The following ANO10 variants were observed in gnomAD, a reference collection of about 807,000 sequenced individuals.
The protein encoded by ANO10 is anoctamin 10.
A neutral mutation model predicts 74.7 loss-of-function variants in ANO10; 77 were observed. The ratio of observed to expected loss-of-function variants is 1.03; its 90% CI spans 0.86 to 1.25. The LOEUF is 1.25. ANO10 is among the 50% of genes most tolerant of loss of function. The pLI, the probability that ANO10 is intolerant of heterozygous loss-of-function variation, is 0.00. For synonymous variants in ANO10, 279 were observed against 284.9 expected, an observed-to-expected ratio of 0.98 and a Z score of 0.21; for missense variants, 721 against 778.1, an observed-to-expected ratio of 0.93 and a Z score of 0.87.
At chr3:43,654,661 C>T (rs2083827185) in intron 1 of ANO10, among the ~76,000 whole-genome samples, 1 of 152,218 alleles carries the variant, frequency 6.6e-6, no homozygotes, top group Non-Finnish European at 1.5e-5. Flanking sequence ...TTCTACTCCT[C>T]TCTTCTACCA....
chr3:43,449,032 A>G (rs2074722770), intron 11 of ANO10, among the ~76,000 whole-genome samples: 1 of 151,632 alleles, frequency 6.6e-6, no homozygotes, highest in South Asian at 2.1e-4. Flanking sequence ...CCACCATGCC[A>G]TGACTGCCTA....
Position 43,687,003 on chromosome 3 carries a change from ATT to A in ANO10, c.-12+4512_-12+4513del, listed in dbSNP as rs59861590. 1.2e-3 allele frequency among the ~76,000 whole-genome samples: 172 copies of A among 143,000 alleles called. 3 individuals carry two copies. Among genetic ancestry groups the A allele is most frequent in the African/African-American group, 3.7e-3 (144 of 39,076 alleles). 93.8% of individuals were successfully genotyped at this position (143,000 alleles called of 152,430 possible). On this transcript the variant is annotated intron_variant, in intron 1 of 3. Coordinates refer to the ANO10 transcript ENST00000413397. ...GTCCAAGAAGCCCTAAAGTCATGTG[ATT>A]TTTTTTTTTTTTTTGAGAAGTCACT...
chr3:43,551,605 T>C (rs944225143), intron 10 of ANO10: 9 of 455,726 alleles, frequency 2.0e-5, no homozygotes, highest in Middle Eastern at 3.2e-4. Context: ...TTTGTCAATA[T>C]AGATTTGTTT....
chr3:43,419,272 A>G (rs966927974), intron 12 of ANO10, among the ~76,000 whole-genome samples: 1 of 152,274 alleles, frequency 6.6e-6, no homozygotes, highest in Admixed American at 6.5e-5. Context: ...CTGATCACAC[A>G]GAAAAATCAA....
intron 11 of ANO10, among the ~76,000 whole-genome samples, chr3:43,441,791 A>C (rs2093164370): frequency 6.6e-6 from 1 of 152,186 alleles, no homozygotes; most frequent in Non-Finnish European, 1.5e-5. Flanking sequence ...ACAACACATT[A>C]AAAAAATTAC....
intron 1 of ANO10, among the ~76,000 whole-genome samples, chr3:43,642,896 C>T (rs1455961058): frequency 6.6e-6 from 1 of 151,860 alleles, no homozygotes; most frequent in East Asian, 1.9e-4. Flanking sequence ...CATGTATGTA[C>T]TGCAGTTTAT....
chr3:43,595,011 A>G (rs377315068), intron 4 of ANO10, among the ~76,000 whole-genome samples: 1 of 152,236 alleles, frequency 6.6e-6, no homozygotes, highest in Non-Finnish European at 1.5e-5. Flanking sequence ...TAGAAAATCT[A>G]GAAGAAATGG....
intron 1 of ANO10, among the ~76,000 whole-genome samples, chr3:43,653,892 A>G (rs1045955413): frequency 1.3e-5 from 2 of 151,466 alleles, no homozygotes; most frequent in African/African-American, 4.9e-5. Flanking sequence ...AACACTTAAT[A>G]CATGTCAGTG....
At chr3:43,412,386 T>G (rs1372935853) in intron 12 of ANO10, among the ~76,000 whole-genome samples, 1 of 152,082 alleles carries the variant, frequency 6.6e-6, no homozygotes, top group African/African-American at 2.4e-5. Flanking sequence ...GGACTAGAGA[T>G]AACTGCCAAG....
At chr3:43,568,940 A>G (rs2149375105) in intron 7 of ANO10, among the ~76,000 whole-genome samples, 1 of 147,016 alleles carries the variant, frequency 6.8e-6, no homozygotes, top group East Asian at 2.0e-4. Context: ...GACCGCTAGC[A>G]AGACTAATAA....
intron 4 of ANO10, among the ~76,000 whole-genome samples, chr3:43,581,980 T>C (rs2081283384): frequency 6.6e-6 from 1 of 152,060 alleles, no homozygotes; most frequent in Non-Finnish European, 1.5e-5. Flanking sequence ...AAGGATGCTT[T>C]GCTGTTTTCA....
At chr3:43,658,026 C>T (rs2083876833) in intron 1 of ANO10, among the ~76,000 whole-genome samples, 1 of 152,062 alleles carries the variant, frequency 6.6e-6, no homozygotes, top group Non-Finnish European at 1.5e-5. Context: ...GAGTTTTCTT[C>T]TTTGTCTTTT....
chr3:43,665,022 T>C (rs2083972723), intron 1 of ANO10, among the ~76,000 whole-genome samples: 1 of 152,222 alleles, frequency 6.6e-6, no homozygotes, highest in African/African-American at 2.4e-5. Flanking sequence ...ATCCCATTAC[T>C]GGGTATATAC....
intron 11 of ANO10, among the ~76,000 whole-genome samples, chr3:43,538,489 A>C (rs932571899): frequency 6.6e-6 from 1 of 152,254 alleles, no homozygotes; most frequent in Non-Finnish European, 1.5e-5. Context: ...AAAATACAGA[A>C]GGATACCTTA....
At chr3:43,582,475 G>C (rs2081306294) in intron 4 of ANO10, among the ~76,000 whole-genome samples, 1 of 152,016 alleles carries the variant, frequency 6.6e-6, no homozygotes, top group Non-Finnish European at 1.5e-5. Context: ...AAAGTTTTCA[G>C]TGTAGAAACA....
chr3:43,586,884 C>T (rs1212766037), intron 4 of ANO10, among the ~76,000 whole-genome samples: 1 of 152,032 alleles, frequency 6.6e-6, no homozygotes, highest in African/African-American at 2.4e-5. Flanking sequence ...ACTGAAAATA[C>T]AATCGGGAAA....
At chr3:43,619,948 T>G (rs978333579) in intron 1 of ANO10, among the ~76,000 whole-genome samples, 2 of 151,804 alleles carry the variant, frequency 1.3e-5, no homozygotes, top group Non-Finnish European at 2.9e-5. Context: ...CTCATACACA[T>G]TAAAAATAAC....
intron 11 of ANO10, among the ~76,000 whole-genome samples, chr3:43,532,933 GTTCT>G (rs1180758564): frequency 4.1e-4 from 63 of 152,138 alleles, no homozygotes; most frequent in Admixed American, 5.2e-4. Flanking sequence ...GGTCATCCCT[GTTCT>G]GCATGGCACA....
At position 43,368,942 on chromosome 3, in the gene ANO10, G is replaced by A. The variant is rs534095414; in HGVS notation, c.1915-1968C>T. Among the ~76,000 whole-genome samples, 8 of 152,360 alleles carry A rather than the reference G, an allele frequency of 5.3e-5. No individual in the cohort carries two copies. In the East Asian group the frequency reaches 1.4e-3, roughly 26 times the overall value. On this transcript the variant is annotated intron_variant, in intron 12 of 12. Coordinates refer to ENST00000292246, the MANE Select transcript of ANO10 (RefSeq NM_018075.5). ...TTTCCCTGGCATTCCACATGGGGAA[G>A]AAAATCAAAATGGGAGCATCTGAGG...
Sources: gnomAD v4.1 joint callset for allele counts (sites outside exome capture counted in the v4.1 genomes callset) on GRCh38, gnomAD v4.1.1 for gene constraint, MANE v1.5 for transcripts, NCBI Gene and HGNC (gene_info 2026-07-23, HGNC 2026-07-21) for gene names.